Variants in WDFY4 observed in about 807,000 individuals in gnomAD.
The protein encoded by WDFY4 is WDFY family member 4.
In WDFY4, 169 loss-of-function variants were observed where a neutral mutation model predicts 351.9. That is an observed-to-expected ratio of 0.48 (90% CI 0.42 to 0.55). WDFY4 has a LOEUF of 0.55. Ranked by LOEUF, WDFY4 falls within the 20% of genes least tolerant of loss-of-function variation. WDFY4 has a pLI of 0.00. For synonymous variants in WDFY4, 1,622 were observed against 1,574.6 expected (o/e 1.03, Z -0.71); for missense variants, 3,803 against 3,935.6 (o/e 0.97, Z 0.90).
intron 1 of WDFY4, among the ~76,000 whole-genome samples, chr10:48,693,855 C>T (rs779100480): frequency 1.3e-5 from 2 of 152,124 alleles, no homozygotes; most frequent in Non-Finnish European, 2.9e-5. Flanking sequence ...TTTCTGGGTC[C>T]AGGTTGGCCT....
chr10:48,857,900 T>C lies in WDFY4; in HGVS notation c.6664-9365T>C, dbSNP rs1391692008. ...CTCCACTGCCAGGTACAAGCGATTC[T>C]CCTGCCTCAGCCTCCCGAGTAGCTG... is the stretch of plus-strand genomic sequence containing the variant. On this transcript the variant is annotated intron_variant, in intron 39 of 61. Transcript: ENST00000325239. Among the ~76,000 whole-genome samples, 4 of 152,118 alleles carry C rather than the reference T, an allele frequency of 2.6e-5. No homozygotes were observed. In the South Asian group the frequency reaches 6.2e-4, roughly 24 times the overall value.
At chr10:48,937,019 G>A (rs1024101284) in intron 47 of WDFY4, among the ~76,000 whole-genome samples, 5 of 151,420 alleles carry the variant, frequency 3.3e-5, no homozygotes, top group Non-Finnish European at 5.9e-5. Flanking sequence ...TCCCGGGTTC[G>A]AGTAGCTGGG....
chr10:48,908,339 C>T (rs1837734028), intron 47 of WDFY4, among the ~76,000 whole-genome samples: 1 of 152,238 alleles, frequency 6.6e-6, no homozygotes, highest in Admixed American at 6.5e-5. Context: ...TAGTTGCCCC[C>T]TGTGCCCAGC....
intron 47 of WDFY4, among the ~76,000 whole-genome samples, chr10:48,915,374 C>T (rs1465711819): frequency 6.6e-6 from 1 of 151,774 alleles, no homozygotes. Flanking sequence ...GGTTCTGGGA[C>T]CCCCTTTTCT....
chr10:48,779,906 C>T (rs1385917253), intron 18 of WDFY4, 35 bp from the exon 19 acceptor site: 1 of 1,549,628 alleles, frequency 6.5e-7, no homozygotes, highest in Non-Finnish European at 8.7e-7. Context: ...AGTGTAGCAC[C>T]ACACGTGAGA....
At chr10:48,745,292 GGGTTCTTATCCTTTGAAATTGGTTGA>G (rs1342838103) in intron 12 of WDFY4, among the ~76,000 whole-genome samples, 1 of 152,154 alleles carries the variant, frequency 6.6e-6, no homozygotes, top group Non-Finnish European at 1.5e-5. Flanking sequence ...TGGATCGTCT[GGGTTCTTATCCTTTGAAATTGGTTGA>G]GGTTGACTTC....
rs1408060246 is a variant in WDFY4 at position 48,729,428 on chromosome 10, C to G, written c.972-4C>G. The G allele has an allele frequency of 2.6e-6, 4 of 1,550,582 alleles. No individual in the cohort carries two copies. The highest frequency in any genetic ancestry group is 2.6e-6 in the Non-Finnish European group (3 of 1,146,980). Reference sequence around the variant, plus strand: ...CAGGGAGCTGGCCTCATCTGTTCCCCCAGGTATGATGGGCTGACCCAGAGC... The same window carrying G: ...CAGGGAGCTGGCCTCATCTGTTCCCGCAGGTATGATGGGCTGACCCAGAGC... On this transcript the variant is annotated splice_polypyrimidine_tract_variant and splice_region_variant and intron_variant, in intron 7 of 61. Coordinates refer to ENST00000325239, the MANE Select transcript of WDFY4 (RefSeq NM_001394531.1).
At chr10:48,729,365 G>T in intron 7 of WDFY4, 67 bp from the exon 8 acceptor site, 3 of 1,527,916 alleles carry the variant, frequency 2.0e-6, no homozygotes, top group Non-Finnish European at 1.8e-6. Flanking sequence ...CTCCTTGAGA[G>T]CACCATGCAC....
intron 47 of WDFY4, chr10:48,913,825 T>G: frequency 6.2e-7 from 1 of 1,614,120 alleles, no homozygotes; most frequent in South Asian, 1.1e-5. Context: ...GGCAGCCCGT[T>G]GCTGGTCAGC....
intron 12 of WDFY4, among the ~76,000 whole-genome samples, chr10:48,747,833 G>A (rs17836430): frequency 1.3e-5 from 2 of 152,134 alleles, no homozygotes; most frequent in African/African-American, 2.4e-5. Context: ...AATCATGGAA[G>A]GTCCCTTGTA....
intron 23 of WDFY4, 104 bp from the exon 24 acceptor site, chr10:48,796,194 C>T: frequency 7.7e-7 from 1 of 1,298,996 alleles, no homozygotes; most frequent in Non-Finnish European, 1.0e-6. Context: ...AGGATGGTAG[C>T]AGCAGAGAGC....
At chr10:48,839,990 C>G (rs1229163289) in intron 39 of WDFY4, among the ~76,000 whole-genome samples, 1 of 152,208 alleles carries the variant, frequency 6.6e-6, no homozygotes, top group Non-Finnish European at 1.5e-5. Flanking sequence ...AATAATGCCT[C>G]TCTCCCAGTC....
chr10:48,848,057 A>G (rs982644214), intron 39 of WDFY4, among the ~76,000 whole-genome samples: 1 of 152,178 alleles, frequency 6.6e-6, no homozygotes, highest in Non-Finnish European at 1.5e-5. Flanking sequence ...AAGTGCAATT[A>G]CCTGGGCACT....
intron 1 of WDFY4, among the ~76,000 whole-genome samples, chr10:48,685,362 G>T (rs577687417): frequency 6.6e-6 from 1 of 152,332 alleles, no homozygotes; most frequent in African/African-American, 2.4e-5. Flanking sequence ...GGGCTGACAC[G>T]GGCTTTCCTG....
At chr10:48,875,066 T>C (rs2620881) in intron 41 of WDFY4, 23 bp from the exon 42 acceptor site, 503,542 of 1,433,968 alleles carry the variant, frequency 0.35, 92,248 homozygotes, top group East Asian at 0.72. Flanking sequence ...ATTTAATTTT[T>C]CTTTTCAATG....
chr10:48,688,723 C>T (rs1393199645), intron 1 of WDFY4, among the ~76,000 whole-genome samples: 1 of 152,100 alleles, frequency 6.6e-6, no homozygotes, highest in African/African-American at 2.4e-5. Flanking sequence ...ATAACCCAGG[C>T]TAGAGGTGGT....
chr10:48,735,632 A>C (rs940221867), intron 10 of WDFY4, among the ~76,000 whole-genome samples: 1 of 151,228 alleles, frequency 6.6e-6, no homozygotes, highest in African/African-American at 2.4e-5. Flanking sequence ...TTTTTTTTTC[A>C]AAAATAAGAT....
Position 48,787,810 on chromosome 10 carries a change from T to TCC in WDFY4, c.3809-720_3809-719insCC, listed in dbSNP as rs1565197560. Among the ~76,000 whole-genome samples the TCC allele has an allele frequency of 3.7e-3, 169 of 45,096 alleles. 8 individuals carry two copies. The highest frequency in any genetic ancestry group is 0.013 in the East Asian group (20 of 1,562). 29.6% of individuals were successfully genotyped at this position (45,096 alleles called of 152,430 possible). A position where few individuals can be genotyped will look rare whatever the true frequency, so the allele number is the denominator to read the frequency against. On this transcript the variant is annotated intron_variant, in intron 20 of 61. Coordinates refer to ENST00000325239, the MANE Select transcript of WDFY4 (RefSeq NM_001394531.1). The stretch of plus-strand genomic sequence containing the variant: ...CTTCCTCCTCCTCCTCCTCCTCCTC[T>TCC]TCTTCTTCTTCTTCTTCTTCTTCTT...
At chr10:48,945,991 G>T (rs1165387505) in intron 49 of WDFY4, 49 bp from the exon 50 acceptor site, 2 of 1,300,220 alleles carry the variant, frequency 1.5e-6, no homozygotes, top group Non-Finnish European at 2.1e-6. Flanking sequence ...GGCTCCTAGG[G>T]CACAAGCGGG....
Sources: allele counts gnomAD v4.1 joint callset (sites outside exome capture counted in the v4.1 genomes callset), GRCh38; gene constraint gnomAD v4.1.1; transcripts MANE v1.5; gene names NCBI Gene and HGNC (gene_info 2026-07-23, HGNC 2026-07-21).